Variants in PTPRC observed in about 807,000 individuals in gnomAD.
PTPRC encodes protein tyrosine phosphatase receptor type C.
In PTPRC, 44 loss-of-function variants were observed where a neutral mutation model predicts 155.9. That is an observed-to-expected ratio of 0.28 (90% confidence interval 0.22 to 0.36). PTPRC has a LOEUF of 0.36. PTPRC is among the 10% of genes least tolerant of loss of function. PTPRC has a pLI of 1.00. For synonymous variants in PTPRC, 525 were observed against 533.1 expected, an observed-to-expected ratio of 0.98 and a Z score of 0.21; for missense variants, 1,401 against 1,564.6, an observed-to-expected ratio of 0.90 and a Z score of 1.76.
At chr1:198,644,206 G>A (rs1662804991) in intron 2 of PTPRC, among the ~76,000 whole-genome samples, 1 of 151,642 alleles carries the variant, frequency 6.6e-6, no homozygotes, top group Non-Finnish European at 1.5e-5. Flanking sequence ...CATATCTTCA[G>A]TTTAAAATTA....
chr1:198,715,186 G>T (rs182686951), intron 12 of PTPRC, among the ~76,000 whole-genome samples: 1 of 152,160 alleles, frequency 6.6e-6, no homozygotes, highest in East Asian at 1.9e-4. Flanking sequence ...GCAGTCATGC[G>T]ATCTCGGCTC....
chr1:198,702,634 G>T, intron 6 of PTPRC, 104 bp downstream of exon 6: 3 of 1,496,840 alleles, frequency 2.0e-6, no homozygotes, highest in Non-Finnish European at 2.8e-6. Flanking sequence ...TTATTTGTAG[G>T]TTTCCCATTT....
intron 2 of PTPRC, among the ~76,000 whole-genome samples, chr1:198,685,071 GCATGTCAATAAT>G (rs1027433573): frequency 1.8e-4 from 27 of 152,062 alleles, no homozygotes; most frequent in African/African-American, 6.5e-4. Flanking sequence ...CAAATGAACT[GCATGTCAATAAT>G]CACTAAAATC....
At chr1:198,703,612 C>A in intron 7 of PTPRC, 1 of 639,402 alleles carries the variant, frequency 1.6e-6, no homozygotes, top group Non-Finnish European at 2.7e-6. Context: ...GAGAAACAAC[C>A]ACATCTACTA....
chr1:198,750,021 T>C (rs184488856), intron 28 of PTPRC, among the ~76,000 whole-genome samples: 1 of 145,982 alleles, frequency 6.9e-6, no homozygotes, highest in East Asian at 2.0e-4. Flanking sequence ...TAGTCATTTA[T>C]TAAATATTTA....
chr1:198,654,289 G>C (rs926067862), intron 2 of PTPRC, among the ~76,000 whole-genome samples: 13 of 151,776 alleles, frequency 8.6e-5, no homozygotes, highest in African/African-American at 3.1e-4. Flanking sequence ...ACATGGGTCA[G>C]ATTAAAATTC....
chr1:198,688,261 C>A (rs1463770247), intron 2 of PTPRC, among the ~76,000 whole-genome samples: 1 of 151,924 alleles, frequency 6.6e-6, no homozygotes, highest in African/African-American at 2.4e-5. Flanking sequence ...ATTCAAGAGG[C>A]CTTTATGGGA....
At chr1:198,712,133 A>G (rs906428685) in intron 11 of PTPRC, among the ~76,000 whole-genome samples, 1 of 152,230 alleles carries the variant, frequency 6.6e-6, no homozygotes, top group Non-Finnish European at 1.5e-5. Context: ...GTGTATCTTT[A>G]CAATAACTAC....
At position 198,744,078 on chromosome 1, in the gene PTPRC, G is replaced by T. The variant is rs781540664; in HGVS notation, c.2722G>T (p.Ala908Ser). 4.4e-6 allele frequency: 7 copies of T among 1,604,838 alleles called. No homozygotes were observed. ...VEAQYILIHQ[A>S]LVEYNQFGET... ...GGCCCAGTACATCTTGATCCATCAG[G>T]CTTTGGTGGAATACAATCAGTTTGG... The change falls in exon 26 of 33, where the codon GCT becomes TCT. Residue 908 changes from alanine (A) to serine (S), a missense_variant. By Grantham distance (99) the Ala-to-Ser change is moderately conservative (BLOSUM62 1). Coordinates refer to ENST00000442510, the MANE Select transcript of PTPRC (RefSeq NM_002838.5).
chr1:198,641,124 A>C (rs1218660487), intron 2 of PTPRC, among the ~76,000 whole-genome samples: 1 of 152,070 alleles, frequency 6.6e-6, no homozygotes, highest in Non-Finnish European at 1.5e-5. Context: ...ATAAATATTG[A>C]GAGCAAACAT....
At chr1:198,670,716 T>C (rs1034610449) in intron 2 of PTPRC, among the ~76,000 whole-genome samples, 1 of 152,202 alleles carries the variant, frequency 6.6e-6, no homozygotes, top group African/African-American at 2.4e-5. Flanking sequence ...CACAAACTTC[T>C]TAAAAGATTT....
At chr1:198,734,286 A>T in intron 21 of PTPRC, 42 bp from the exon 22 acceptor site, 1 of 1,609,770 alleles carries the variant, frequency 6.2e-7, no homozygotes, top group South Asian at 1.1e-5. Context: ...TAGCACTTTT[A>T]AGAAAATTTT....
intron 29 of PTPRC, 74 bp from the exon 30 acceptor site, chr1:198,752,175 G>A (rs1254638168): frequency 1.2e-5 from 18 of 1,485,434 alleles, no homozygotes; most frequent in Admixed American, 8.4e-5. Context: ...AGAAAGAAAG[G>A]GAGAAAGAGG....
At chr1:198,689,916 A>C (rs958785638) in intron 2 of PTPRC, among the ~76,000 whole-genome samples, 1 of 152,160 alleles carries the variant, frequency 6.6e-6, no homozygotes, top group Non-Finnish European at 1.5e-5. Context: ...TTTATGGGTT[A>C]TAAGCTTATC....
chr1:198,691,284 C>A (rs1161600372), intron 2 of PTPRC, among the ~76,000 whole-genome samples: 1 of 152,050 alleles, frequency 6.6e-6, no homozygotes, highest in Non-Finnish European at 1.5e-5. Context: ...AAATCTCAAG[C>A]AAATTCTGAT....
chr1:198,734,093 C>A, intron 20 of PTPRC, 103 bp from the exon 21 acceptor site: 4 of 1,131,162 alleles, frequency 3.5e-6, no homozygotes, highest in Non-Finnish European at 5.2e-6. Context: ...TTCACAATCA[C>A]AAAATGATGG....
intron 3 of PTPRC, chr1:198,694,578 C>T (rs77530279): frequency 0.024 from 24,099 of 987,076 alleles, 321 homozygotes; most frequent in Non-Finnish European, 0.027. Flanking sequence ...AAACATTTCT[C>T]TCAAAGCAAA....
intron 2 of PTPRC, among the ~76,000 whole-genome samples, chr1:198,686,208 G>A (rs923969099): frequency 2.0e-5 from 3 of 151,968 alleles, no homozygotes; most frequent in African/African-American, 7.2e-5. Flanking sequence ...CAAGTGTTCT[G>A]TTATCTACAT....
intron 5 of PTPRC, among the ~76,000 whole-genome samples, chr1:198,701,282 G>A (rs75705763): frequency 0.011 from 1,686 of 152,242 alleles, 29 homozygotes; most frequent in African/African-American, 0.039. Context: ...ATTATAGACT[G>A]TACTGCATTT....
Sources: gnomAD v4.1 joint callset for allele counts (sites outside exome capture counted in the v4.1 genomes callset) on GRCh38, gnomAD v4.1.1 for gene constraint, MANE v1.5 for transcripts, NCBI Gene and HGNC (gene_info 2026-07-23, HGNC 2026-07-21) for gene names.